Variants in SCYL2 observed in about 807,000 individuals in gnomAD.
The protein encoded by SCYL2 is SCY1-like protein 2.
SCYL2 carries 36 observed loss-of-function variants against 100.4 expected under a neutral mutation model. The ratio of observed to expected loss-of-function variants is 0.36; its 90% CI spans 0.27 to 0.47. The LOEUF (loss-of-function observed/expected upper bound fraction) is 0.47, where lower values mean the gene tolerates loss of function less well. Ranked by LOEUF, SCYL2 falls within the 20% of genes least tolerant of loss-of-function variation. SCYL2 has a pLI of 1.00. For missense variants in SCYL2, 902 were observed against 1,083.9 expected (o/e 0.83, Z 2.36); for synonymous variants, 330 against 359.2 (o/e 0.92, Z 0.92).
At chr12:100,287,453 C>T (rs1416793015) in intron 2 of SCYL2, among the ~76,000 whole-genome samples, 1 of 152,166 alleles carries the variant, frequency 6.6e-6, no homozygotes, top group Non-Finnish European at 1.5e-5. Flanking sequence ...GCCGCCATGC[C>T]TGGCTCACAA....
intron 4 of SCYL2, among the ~76,000 whole-genome samples, chr12:100,302,511 A>C (rs1226596402): frequency 2.0e-5 from 3 of 152,198 alleles, no homozygotes; most frequent in Non-Finnish European, 2.9e-5. Flanking sequence ...TCCTTCACTT[A>C]TGAAGGTTAG....
chr12:100,330,356 C>G (rs1311791693), intron 13 of SCYL2, among the ~76,000 whole-genome samples: 1 of 152,122 alleles, frequency 6.6e-6, no homozygotes, highest in Non-Finnish European at 1.5e-5. Context: ...CTCTGCATAC[C>G]TCTATCGCTG....
chr12:100,296,110 T>C (rs2096320135), intron 3 of SCYL2, among the ~76,000 whole-genome samples: 1 of 152,240 alleles, frequency 6.6e-6, no homozygotes, highest in African/African-American at 2.4e-5. Flanking sequence ...TGTATGGTGA[T>C]TTAAATATTA....
intron 4 of SCYL2, among the ~76,000 whole-genome samples, chr12:100,304,036 A>G (rs373265007): frequency 2.0e-5 from 3 of 152,234 alleles, no homozygotes; most frequent in African/African-American, 4.8e-5. Context: ...GTGAACTTCT[A>G]CGCGGCTTTG....
intron 9 of SCYL2, among the ~76,000 whole-genome samples, chr12:100,316,151 T>G (rs1249901491): frequency 6.6e-6 from 1 of 152,262 alleles, no homozygotes; most frequent in Non-Finnish European, 1.5e-5. Flanking sequence ...TGCCAGTTGT[T>G]TCTCTCCATT....
intron 1 of SCYL2, among the ~76,000 whole-genome samples, chr12:100,272,834 T>C (rs770303482): frequency 1.1e-4 from 16 of 152,346 alleles, no homozygotes; most frequent in Non-Finnish European, 2.2e-4. Flanking sequence ...TTTAAAAATT[T>C]GTTTAAAATG....
intron 13 of SCYL2, among the ~76,000 whole-genome samples, chr12:100,329,801 T>C (rs916195023): frequency 1.3e-5 from 2 of 152,190 alleles, no homozygotes; most frequent in Admixed American, 6.5e-5. Context: ...TATGGAGTGA[T>C]CTACTTCTAA....
chr12:100,335,897 A>G lies in SCYL2; in HGVS notation c.2016A>G (p.Lys672=), dbSNP rs776547314. Residue 672 remains lysine, a synonymous_variant, in exon 16 of 18, where the codon AAA becomes AAG. Transcript: ENST00000360820. ...SENKEDGLQN[K]HKRASLTLEE... The stretch of plus-strand genomic sequence containing the variant: ...ATAAAGAGGACGGGTTACAGAATAA[A>G]CATAAAAGAGTGAGTTTCCTTACTG... 2 of 1,611,546 alleles carry G rather than the reference A, an allele frequency of 1.2e-6. No individual in the cohort carries two copies. The highest frequency in any genetic ancestry group is 1.3e-5 in the African/African-American group (1 of 74,986).
chr12:100,320,253 C>T (rs1383251742), intron 10 of SCYL2, among the ~76,000 whole-genome samples: 3 of 151,996 alleles, frequency 2.0e-5, no homozygotes, highest in Non-Finnish European at 4.4e-5. Context: ...TTATTAAGTT[C>T]CTCATCCCGG....
Position 100,291,678 on chromosome 12 carries a change from C to T in SCYL2, c.335+18C>T. 1.3e-6 allele frequency: 2 copies of T among 1,560,420 alleles called. No individual in the cohort carries two copies. The highest frequency in any genetic ancestry group is 1.7e-6 in the Non-Finnish European group (2 of 1,161,216). On this transcript the variant is annotated intron_variant, in intron 3 of 17. Coordinates refer to ENST00000360820, the MANE Select transcript of SCYL2 (RefSeq NM_017988.6). ...GAATCCAGGTAAATTTTTACAAAAA[C>T]TTACATAGTAGACTTCCTGAACAAA...
intron 13 of SCYL2, 86 bp downstream of exon 13, chr12:100,329,405 TA>T (rs951525726): frequency 0.026 from 14,051 of 541,428 alleles, no homozygotes; most frequent in South Asian, 0.036. Flanking sequence ...AAAGATTGGT[TA>T]AAAAAAAAAG....
Position 100,340,074 on chromosome 12 carries a change from T to C in SCYL2, c.*902T>C, listed in dbSNP as rs1404553543. ...AGATTTGTAAGAATTAAACTATATT[T>C]ATGAGTAAACTTTTGAGGTTTCTGC... On this transcript the variant is annotated 3_prime_UTR_variant, in exon 18 of 18. Coordinates refer to ENST00000360820, the MANE Select transcript of SCYL2 (RefSeq NM_017988.6). The C allele has an allele frequency of 6.6e-6, 1 of 152,630 alleles. No homozygotes were observed. Among genetic ancestry groups the C allele is most frequent in the African/African-American group, 2.4e-5 (1 of 41,464 alleles). 9.5% of individuals were successfully genotyped at this position (152,630 alleles called of 1,614,324 possible). A position where few individuals can be genotyped will look rare whatever the true frequency, so the allele number is the denominator to read the frequency against.
chr12:100,288,527 T>C (rs1218728719), intron 2 of SCYL2, among the ~76,000 whole-genome samples: 1 of 152,122 alleles, frequency 6.6e-6, no homozygotes, highest in Non-Finnish European at 1.5e-5. Context: ...ATGTAGTCCT[T>C]TTTTTATATA....
At chr12:100,307,365 A>G (rs2096335906) in intron 4 of SCYL2, among the ~76,000 whole-genome samples, 1 of 152,224 alleles carries the variant, frequency 6.6e-6, no homozygotes, top group South Asian at 2.1e-4. Context: ...CTGATCTTTG[A>G]CAAACCTGAC....
intron 1 of SCYL2, among the ~76,000 whole-genome samples, chr12:100,276,865 C>T (rs901604657): frequency 1.1e-4 from 17 of 151,970 alleles, no homozygotes; most frequent in African/African-American, 4.1e-4. Flanking sequence ...GACTTTTAAA[C>T]TCCCTAATAT....
In SCYL2 at chr12:100,317,838, A is replaced by G. The variant is rs184746434; in HGVS notation, c.1308A>G (p.Leu436=). Residue 436 remains leucine (L), a synonymous_variant, in exon 10 of 18, where the codon CTA becomes CTG. Transcript: ENST00000360820. The part of the protein sequence containing the change: ...LLIFLQKMDL[L]LTKTPPDEIK... ...TTTTCCTACAAAAAATGGATTTGCT[A>G]CTAACCAAAACCCCTCCTGATGAGA... 3,513 of 1,605,726 alleles carry G rather than the reference A, an allele frequency of 2.2e-3. 55 individuals carry two copies. The highest frequency in any genetic ancestry group is 5.2e-4 in the South Asian group (46 of 88,618).
intron 1 of SCYL2, among the ~76,000 whole-genome samples, chr12:100,270,463 A>G (rs1053882000): frequency 1.3e-5 from 2 of 152,082 alleles, no homozygotes; most frequent in African/African-American, 4.8e-5. Context: ...AATTTCAAGA[A>G]TCTGATTAAC....
In SCYL2 at chr12:100,267,329, C is replaced by T; in HGVS notation, c.-492C>T. ...GGCACGAAGGCAGAGCAGGAACAGC[C>T]AGGAGGCGTTTATTAGGGGGGCGGG... is the stretch of plus-strand genomic sequence containing the variant. On this transcript the variant is annotated 5_prime_UTR_variant, in exon 1 of 18. Coordinates refer to ENST00000360820, the MANE Select transcript of SCYL2 (RefSeq NM_017988.6). The T allele has an allele frequency of 2.5e-6, 1 of 396,370 alleles. No individual in the cohort carries two copies. The highest frequency in any genetic ancestry group is 4.5e-6 in the Non-Finnish European group (1 of 220,516). The allele number at this position is 396,370 out of a possible 1,614,324, so 24.6% of individuals were successfully genotyped here.
chr12:100,327,882 C>G (rs953004046), intron 12 of SCYL2, among the ~76,000 whole-genome samples: 1 of 152,076 alleles, frequency 6.6e-6, no homozygotes, highest in African/African-American at 2.4e-5. Context: ...AGAAACTGCT[C>G]AGTAAATATT....
Sources: allele counts gnomAD v4.1 joint callset (sites outside exome capture counted in the v4.1 genomes callset), GRCh38; gene constraint gnomAD v4.1.1; transcripts MANE v1.5; gene names NCBI Gene and HGNC (gene_info 2026-07-23, HGNC 2026-07-21).